Variants in FAM47E observed in about 807,000 individuals in gnomAD.
FAM47E encodes the protein protein FAM47E.
A neutral mutation model predicts 41.6 loss-of-function variants in FAM47E; 32 were observed. That is an observed-to-expected ratio of 0.77 (90% CI 0.58 to 1.03). The LOEUF (loss-of-function observed/expected upper bound fraction) is 1.03, where lower values mean the gene tolerates loss of function less well. Ranked by LOEUF, FAM47E falls within the 50% of genes least tolerant of loss-of-function variation. The pLI is 0.00. For missense variants in FAM47E, 424 were observed against 485.4 expected (o/e 0.87, Z 1.19); for synonymous variants, 184 against 188.7 (o/e 0.98, Z 0.20).
intron 1 of FAM47E, chr4:76,217,463 T>C: frequency 2.5e-6 from 1 of 406,910 alleles, no homozygotes; most frequent in Non-Finnish European, 4.3e-6. Flanking sequence ...CCCTCAGGCA[T>C]GAGTGAGTTG....
intron 2 of FAM47E, among the ~76,000 whole-genome samples, chr4:76,219,859 T>C (rs1733278904): frequency 6.6e-6 from 1 of 152,152 alleles, no homozygotes; most frequent in Non-Finnish European, 1.5e-5. Context: ...GAGTCTGAAA[T>C]GATTACCTAG....
intron 2 of FAM47E, among the ~76,000 whole-genome samples, chr4:76,232,323 T>C (rs895116405): frequency 6.6e-6 from 1 of 152,238 alleles, no homozygotes. Context: ...GTCCTGTACA[T>C]TTTCCTTTAT....
rs1218696864 is a variant in FAM47E, at chr4:76,256,380, A to G, written c.277A>G (p.Lys93Glu). The G allele has an allele frequency of 1.4e-5, 21 of 1,552,006 alleles. No individual in the cohort carries two copies. The highest frequency in any genetic ancestry group is 1.7e-5 in the Non-Finnish European group (20 of 1,147,216). Residue 93 changes from lysine (K) to glutamate (E), a missense_variant, in exon 2 of 8, where the codon AAG becomes GAG. Lys to Glu is a moderately conservative substitution (Grantham distance 56, BLOSUM62 1). Transcript: ENST00000424749. ...PQLAPKKRQI[K>E]LLKEADVLSK... is the part of the protein sequence containing the mutation. ...ACTGGCCCCAAAGAAGAGGCAGATCAAGCTGCTCAAGGAAGCAGACGTGCT... is the reference window on the plus strand; with the variant it reads ...ACTGGCCCCAAAGAAGAGGCAGATCGAGCTGCTCAAGGAAGCAGACGTGCT...
chr4:76,271,754 C>T lies in FAM47E; in HGVS notation c.856C>T (p.Leu286Phe), dbSNP rs1345808831. 1 of 1,551,388 alleles carries T rather than the reference C, an allele frequency of 6.4e-7. No homozygotes were observed. The highest frequency in any genetic ancestry group is 1.2e-5 in the South Asian group (1 of 83,998). The change falls in exon 5 of 8, where the codon CTC becomes TTC. Residue 286 changes from leucine (L) to phenylalanine (F), a missense_variant. Coordinates refer to ENST00000424749, the MANE Select transcript of FAM47E (RefSeq NM_001136570.3). ...FFQKLGYERK[L>F]QKPQNPYKPK... The stretch of plus-strand genomic sequence containing the variant: ...CCAGAAACTAGGCTATGAGAGGAAA[C>T]TCCAGAAACCACAGGTAATTGCAGA...
intron 2 of FAM47E, among the ~76,000 whole-genome samples, chr4:76,218,264 C>A (rs1733248682): frequency 6.6e-6 from 1 of 152,162 alleles, no homozygotes; most frequent in South Asian, 2.1e-4. Flanking sequence ...ATATGTTATT[C>A]CTAAATGTTT....
exon 1 of FAM47E, chr4:76,214,379 G>A (rs1377549725): frequency 5.5e-5 from 24 of 435,298 alleles, no homozygotes; most frequent in Admixed American, 2.1e-4. Context: ...AAGAATGGAA[G>A]ATGTGCAAAA....
Position 76,268,519 on chromosome 4 carries a change from T to G in FAM47E, c.561-141T>G, listed in dbSNP as rs988019747. 1.2e-5 allele frequency: 10 copies of G among 807,718 alleles called. No homozygotes were observed. The African/African-American group carries it at 1.8e-4, about 14-fold the overall frequency. 50.0% of individuals were successfully genotyped at this position (807,718 alleles called of 1,614,324 possible). On this transcript the variant is annotated intron_variant, in intron 3 of 7. Coordinates refer to ENST00000424749, the MANE Select transcript of FAM47E (RefSeq NM_001136570.3). ...AATGAGAATGTGCTCTTTGAAAAAT[T>G]AAAATACAATTTGTATGTGAGCTTG...
At position 76,268,938 on chromosome 4, in the gene FAM47E, AT is replaced by A. The variant is rs1734765091; in HGVS notation, c.669+172del. On this transcript the variant is annotated intron_variant, in intron 4 of 7. Transcript: ENST00000424749. ...AGTCGTAAAGGAATCATTTTCTTCT[AT>A]TATGTATAAATAGAAATATTTCTGG... 8 of 790,742 alleles carry A rather than the reference AT, an allele frequency of 1.0e-5. No individual in the cohort carries two copies. In the East Asian group the frequency reaches 2.3e-4, roughly 23 times the overall value. 49.0% of individuals were successfully genotyped at this position (790,742 alleles called of 1,614,324 possible). A position where few individuals can be genotyped will look rare whatever the true frequency, so the allele number is the denominator to read the frequency against.
chr4:76,239,438 G>A (rs549387544), intron 2 of FAM47E, among the ~76,000 whole-genome samples: 3 of 152,216 alleles, frequency 2.0e-5, no homozygotes, highest in Admixed American at 1.3e-4. Context: ...TAAGGGTGGG[G>A]TGGTATCTCA....
chr4:76,227,166 G>C (rs542992844), intron 2 of FAM47E, among the ~76,000 whole-genome samples: 7 of 152,252 alleles, frequency 4.6e-5, no homozygotes, highest in Non-Finnish European at 1.0e-4. Context: ...TCAAAAGTTT[G>C]ATGAACTTTC....
Position 76,215,396 on chromosome 4 carries a change from G to A in FAM47E, c.-30+972G>A, listed in dbSNP as rs116593405. 4.9e-3 allele frequency among the ~76,000 whole-genome samples: 753 copies of A among 152,236 alleles called. 6 individuals carry two copies. The highest frequency in any genetic ancestry group is 0.016 in the African/African-American group (660 of 41,550). On this transcript the variant is annotated intron_variant, in intron 1 of 7. Coordinates refer to the FAM47E transcript ENST00000510197. ...AAAACCCTCACTTTTTCTACTCTGC[G>A]CATTGCTGCATCCCGATCTGTCACT... is the stretch of plus-strand genomic sequence containing the variant.
intron 2 of FAM47E, among the ~76,000 whole-genome samples, chr4:76,229,727 C>T (rs1733461224): frequency 6.6e-6 from 1 of 152,184 alleles, no homozygotes; most frequent in South Asian, 2.1e-4. Flanking sequence ...AGCACCTGCT[C>T]TGATGGAGGT....
intron 1 of FAM47E, among the ~76,000 whole-genome samples, chr4:76,253,179 C>A (rs973063465): frequency 5.3e-5 from 8 of 152,144 alleles, no homozygotes; most frequent in African/African-American, 1.9e-4. Flanking sequence ...CCTCTGAGAT[C>A]CATCCAAGTT....
exon 1 of FAM47E, chr4:76,214,281 G>A (rs1283700127): frequency 2.2e-6 from 1 of 456,116 alleles, no homozygotes; most frequent in Non-Finnish European, 4.4e-6. Flanking sequence ...GATCATGCCA[G>A]CAAGCATGTT....
intron 6 of FAM47E, 46 bp downstream of exon 6, chr4:76,278,270 A>G: frequency 7.0e-7 from 1 of 1,437,778 alleles, no homozygotes. Flanking sequence ...TCAGATGATC[A>G]CAGTGCATCT....
At chr4:76,218,603 T>G (rs1292699555) in intron 2 of FAM47E, among the ~76,000 whole-genome samples, 1 of 152,200 alleles carries the variant, frequency 6.6e-6, no homozygotes, top group Non-Finnish European at 1.5e-5. Context: ...TGGTTTTTAT[T>G]TTGTTTGGGG....
At chr4:76,242,735 G>T (rs920020977) in intron 2 of FAM47E, among the ~76,000 whole-genome samples, 3 of 152,116 alleles carry the variant, frequency 2.0e-5, no homozygotes, top group South Asian at 2.1e-4. Flanking sequence ...GTATGAAAAA[G>T]AATGTAAAAT....
At chr4:76,254,128 GAAA>G (rs35201794) in intron 1 of FAM47E, among the ~76,000 whole-genome samples, 4 of 129,678 alleles carry the variant, frequency 3.1e-5, no homozygotes, top group African/African-American at 2.9e-5. Flanking sequence ...ACCCTGTCTT[GAAA>G]AAAAAAAAAA....
intron 2 of FAM47E, among the ~76,000 whole-genome samples, chr4:76,227,862 G>C (rs1733425402): frequency 6.6e-6 from 1 of 152,050 alleles, no homozygotes; most frequent in Non-Finnish European, 1.5e-5. Flanking sequence ...GCTTGCTTTT[G>C]GTGTTCATTT....
Sources: allele counts gnomAD v4.1 joint callset (sites outside exome capture counted in the v4.1 genomes callset), GRCh38; gene constraint gnomAD v4.1.1; transcripts MANE v1.5; gene names NCBI Gene and HGNC (gene_info 2026-07-23, HGNC 2026-07-21).